Variants in CSGALNACT1 observed in about 807,000 individuals in gnomAD.
CSGALNACT1 encodes beta4GalNAcT-1.
Under a neutral mutation model 51.0 loss-of-function variants are expected in CSGALNACT1, and 52 were observed. That is an observed-to-expected ratio of 1.02 (90% CI 0.82 to 1.29). The LOEUF is 1.29. Ranked by LOEUF, CSGALNACT1 falls within the 50% of genes most tolerant of loss-of-function variation. The probability of loss-of-function intolerance (pLI) is 0.00; values close to 1 mark genes in which losing one functional copy is unlikely to be tolerated. For synonymous variants in CSGALNACT1, 341 were observed against 254.4 expected, an observed-to-expected ratio of 1.34 and a Z score of -3.24; for missense variants, 935 against 679.2, an observed-to-expected ratio of 1.38 and a Z score of -4.19.
intron 3 of CSGALNACT1, among the ~76,000 whole-genome samples, chr8:19,578,891 C>A (rs115274706): frequency 1.3e-5 from 2 of 152,262 alleles, no homozygotes; most frequent in African/African-American, 4.8e-5. Context: ...AAACCACCCT[C>A]TCCTTCCTTA....
intron 4 of CSGALNACT1, among the ~76,000 whole-genome samples, chr8:19,472,092 A>G (rs2068326969): frequency 6.6e-6 from 1 of 152,186 alleles, no homozygotes; most frequent in South Asian, 2.1e-4. Flanking sequence ...GCCTACTTGG[A>G]CTCAATGGAG....
rs76440164 is a variant in CSGALNACT1 at position 19,655,583 on chromosome 8, T to C, written c.-544+26890A>G. The stretch of plus-strand genomic sequence containing the variant: ...ATACACACACACACACACACACATA[T>C]ATATATATATATATTTGCAGAGACA... On this transcript the variant is annotated intron_variant, in intron 1 of 9. Transcript: ENST00000332246. Among the ~76,000 whole-genome samples the C allele has an allele frequency of 4.8e-3, 516 of 107,830 alleles. 10 individuals are homozygous for C. The East Asian group carries it at 0.088, about 18-fold the overall frequency. 70.7% of individuals were successfully genotyped at this position (107,830 alleles called of 152,430 possible). A position where few individuals can be genotyped will look rare whatever the true frequency, so the allele number is the denominator to read the frequency against.
intron 1 of CSGALNACT1, among the ~76,000 whole-genome samples, chr8:19,648,511 G>A (rs116990003): frequency 0.014 from 2,180 of 152,214 alleles, 16 homozygotes; most frequent in Non-Finnish European, 0.022. Context: ...GAAATCCTAA[G>A]AATGGAAACA....
chr8:19,410,100 C>T (rs1013310127), intron 8 of CSGALNACT1, among the ~76,000 whole-genome samples: 11 of 152,192 alleles, frequency 7.2e-5, no homozygotes, highest in Non-Finnish European at 1.6e-4. Context: ...GTCACTTCCA[C>T]CATGTCACTT....
At chr8:19,675,658 A>G (rs1422149079) in intron 1 of CSGALNACT1, among the ~76,000 whole-genome samples, 1 of 152,036 alleles carries the variant, frequency 6.6e-6, no homozygotes, top group Non-Finnish European at 1.5e-5. Context: ...ACATCCAGCT[A>G]ATTTTTTTAA....
chr8:19,650,019 T>C (rs989242622), intron 1 of CSGALNACT1, among the ~76,000 whole-genome samples: 2 of 152,064 alleles, frequency 1.3e-5, no homozygotes, highest in Admixed American at 6.6e-5. Context: ...TTTTCTGAAA[T>C]GCAGGGTCAG....
At chr8:19,493,054 T>C (rs1280405136) in intron 4 of CSGALNACT1, among the ~76,000 whole-genome samples, 1 of 69,904 alleles carries the variant, frequency 1.4e-5, no homozygotes, top group East Asian at 5.3e-4. Flanking sequence ...AAATTCTTTT[T>C]TTGAAAAAAA....
intron 1 of CSGALNACT1, among the ~76,000 whole-genome samples, chr8:19,734,310 T>C (rs533109364): frequency 6.6e-6 from 1 of 152,316 alleles, no homozygotes; most frequent in African/African-American, 2.4e-5. Flanking sequence ...GAGAATATTC[T>C]TGTAACAAAA....
At chr8:19,560,426 G>T (rs1020393535) in intron 3 of CSGALNACT1, among the ~76,000 whole-genome samples, 1 of 152,100 alleles carries the variant, frequency 6.6e-6, no homozygotes, top group Admixed American at 6.5e-5. Context: ...TGTTTATTAA[G>T]AACCACCATA....
upstream of CSGALNACT1, chr8:19,683,077 G>C (rs1456782456): frequency 1.3e-5 from 3 of 234,390 alleles, no homozygotes; most frequent in Non-Finnish European, 2.6e-5. Flanking sequence ...GGAACAGATA[G>C]GCAACTGTGT....
chr8:19,515,081 C>A (rs1049893309), intron 3 of CSGALNACT1, among the ~76,000 whole-genome samples: 2 of 152,082 alleles, frequency 1.3e-5, no homozygotes, highest in African/African-American at 4.8e-5. Flanking sequence ...CAGGATCATG[C>A]CTTGATCCCC....
At chr8:19,569,409 C>T (rs2042541624) in intron 3 of CSGALNACT1, among the ~76,000 whole-genome samples, 1 of 152,042 alleles carries the variant, frequency 6.6e-6, no homozygotes, top group South Asian at 2.1e-4. Context: ...ATGCTTTGTC[C>T]TTTTATAGAC....
chr8:19,746,256 G>A (rs992571865), intron 1 of CSGALNACT1, among the ~76,000 whole-genome samples: 1 of 152,014 alleles, frequency 6.6e-6, no homozygotes, highest in Non-Finnish European at 1.5e-5. Context: ...TCCACTGTCT[G>A]TTCATCTATG....
At chr8:19,477,753 A>G (rs1312819847) in intron 4 of CSGALNACT1, among the ~76,000 whole-genome samples, 1 of 152,232 alleles carries the variant, frequency 6.6e-6, no homozygotes, top group Non-Finnish European at 1.5e-5. Flanking sequence ...ATCGTAATAC[A>G]ATAGCTACCT....
chr8:19,466,985 G>C (rs527396862), intron 4 of CSGALNACT1, among the ~76,000 whole-genome samples: 1 of 151,838 alleles, frequency 6.6e-6, no homozygotes, highest in Admixed American at 6.6e-5. Context: ...CACTGCATTT[G>C]TTGTGTATTT....
intron 6 of CSGALNACT1, among the ~76,000 whole-genome samples, chr8:19,428,856 T>A (rs530992846): frequency 1.3e-4 from 19 of 151,542 alleles, no homozygotes; most frequent in African/African-American, 4.1e-4. Context: ...TGTGTGTGTG[T>A]GTGTGTGTGT....
chr8:19,664,149 T>C (rs2058992489), intron 1 of CSGALNACT1, among the ~76,000 whole-genome samples: 1 of 152,202 alleles, frequency 6.6e-6, no homozygotes, highest in African/African-American at 2.4e-5. Context: ...TATCCTCTCC[T>C]AAATGTTCCT....
intron 1 of CSGALNACT1, among the ~76,000 whole-genome samples, chr8:19,755,386 A>C (rs1217347800): frequency 6.8e-6 from 1 of 146,688 alleles, no homozygotes; most frequent in Non-Finnish European, 1.5e-5. Context: ...ACAAAGAAGA[A>C]GGAATTTTTA....
intron 6 of CSGALNACT1, among the ~76,000 whole-genome samples, chr8:19,430,345 G>T (rs6997164): frequency 0.47 from 71,790 of 151,934 alleles, 17,555 homozygotes; most frequent in East Asian, 0.84. Context: ...CATTTAAGTC[G>T]TTGATCCATT....
Sources: allele counts gnomAD v4.1 joint callset (sites outside exome capture counted in the v4.1 genomes callset), GRCh38; gene constraint gnomAD v4.1.1; transcripts MANE v1.5; gene names NCBI Gene and HGNC (gene_info 2026-07-23, HGNC 2026-07-21).